The following XRCC4 variants were observed in gnomAD, a reference collection of about 807,000 sequenced individuals.
XRCC4 encodes the protein DNA repair protein XRCC4.
A neutral mutation model predicts 39.1 loss-of-function variants in XRCC4; 28 were observed. The observed-to-expected ratio is 0.72, with a 90% CI of 0.53 to 0.98. XRCC4 has a LOEUF of 0.98. Ranked by LOEUF, XRCC4 falls within the 50% of genes least tolerant of loss-of-function variation. The pLI is 0.00. For synonymous variants in XRCC4, 123 were observed against 126.4 expected (o/e 0.97, Z 0.18); for missense variants, 350 against 376.4 (o/e 0.93, Z 0.58).
chr5:83,365,580 C>G, the XRCC4 span, among the ~76,000 whole-genome samples: 2 of 152,114 alleles, frequency 1.3e-5, no homozygotes, highest in African/African-American at 4.8e-5. Context: ...AAGCTGAAAA[C>G]AATCCCCTTT....
intron 3 of XRCC4, among the ~76,000 whole-genome samples, chr5:83,135,339 G>T (rs2386239): frequency 1.3e-5 from 2 of 151,422 alleles, no homozygotes; most frequent in African/African-American, 2.4e-5. Flanking sequence ...GTTCCTATTC[G>T]GCCATCTTGG....
chr5:83,278,203 T>C (rs1754402716), intron 7 of XRCC4, among the ~76,000 whole-genome samples: 1 of 152,182 alleles, frequency 6.6e-6, no homozygotes, highest in Non-Finnish European at 1.5e-5. Context: ...TGTTAATTAT[T>C]GAACTAAAAA....
chr5:83,167,990 A>G (rs1358883274), intron 3 of XRCC4, among the ~76,000 whole-genome samples: 1 of 152,218 alleles, frequency 6.6e-6, no homozygotes, highest in Non-Finnish European at 1.5e-5. Flanking sequence ...TTTAGGGAAT[A>G]TTAAGCATAA....
intron 3 of XRCC4, among the ~76,000 whole-genome samples, chr5:83,161,476 TATCTTTTAATAG>T (rs1479538366): frequency 6.6e-6 from 1 of 152,198 alleles, no homozygotes; most frequent in Non-Finnish European, 1.5e-5. Context: ...AAGTCATCTT[TATCTTTTAATAG>T]AGACACTACC....
the XRCC4 span, among the ~76,000 whole-genome samples, chr5:83,358,926 G>T: frequency 6.6e-6 from 1 of 152,192 alleles, no homozygotes; most frequent in Non-Finnish European, 1.5e-5. Flanking sequence ...GCCTTATCAA[G>T]ATGGCCACCC....
At chr5:83,318,260 CA>C (rs1755946367) in intron 7 of XRCC4, among the ~76,000 whole-genome samples, 1 of 126,510 alleles carries the variant, frequency 7.9e-6, no homozygotes, top group Non-Finnish European at 1.5e-5. Context: ...ACTGGATGGG[CA>C]AAAACTGGAA....
In XRCC4 at chr5:83,313,558, A is replaced by G. The variant is rs145325197; in HGVS notation, c.894-39573A>G. Among the ~76,000 whole-genome samples the G allele has an allele frequency of 4.4e-3, 673 of 152,214 alleles. 3 individuals are homozygous for G. Among genetic ancestry groups the G allele is most frequent in the African/African-American group, 0.015 (639 of 41,536 alleles). On this transcript the variant is annotated intron_variant, in intron 7 of 7. Coordinates refer to ENST00000396027, the MANE Select transcript of XRCC4 (RefSeq NM_003401.5). The stretch of plus-strand genomic sequence containing the variant: ...ACTCAATATATTAGGCCTACTGTGG[A>G]GACATACTGCTCAGAAAAAAAAGAT...
chr5:83,096,971 A>G (rs1394232896), intron 1 of XRCC4, among the ~76,000 whole-genome samples: 1 of 152,162 alleles, frequency 6.6e-6, no homozygotes, highest in Non-Finnish European at 1.5e-5. Context: ...TAGAACTTGT[A>G]CCCTTACAAG....
At chr5:83,079,172 T>C (rs1014800489) in intron 1 of XRCC4, among the ~76,000 whole-genome samples, 1 of 152,240 alleles carries the variant, frequency 6.6e-6, no homozygotes, top group Non-Finnish European at 1.5e-5. Flanking sequence ...TTAATTAATT[T>C]TAGGCTATGA....
intron 7 of XRCC4, among the ~76,000 whole-genome samples, chr5:83,308,245 A>C (rs956566155): frequency 5.9e-5 from 9 of 152,202 alleles, no homozygotes; most frequent in Non-Finnish European, 1.3e-4. Flanking sequence ...ATTACTAAGA[A>C]AGTACTTAAT....
intron 3 of XRCC4, among the ~76,000 whole-genome samples, chr5:83,192,158 TTA>T (rs571672763): frequency 2.0e-5 from 3 of 149,832 alleles, no homozygotes; most frequent in Admixed American, 1.3e-4. Context: ...CTATGATTCT[TTA>T]TATATATATA....
intron 3 of XRCC4, among the ~76,000 whole-genome samples, chr5:83,157,006 C>T (rs1748996150): frequency 6.6e-6 from 1 of 151,572 alleles, no homozygotes; most frequent in African/African-American, 2.4e-5. Context: ...TCCCTCCTTT[C>T]ATTTTTAGAA....
intron 3 of XRCC4, among the ~76,000 whole-genome samples, chr5:83,149,649 G>C (rs372066457): frequency 5.3e-5 from 8 of 152,078 alleles, no homozygotes; most frequent in Admixed American, 1.3e-4. Flanking sequence ...AAATAAGATG[G>C]TGGTGTTAAC....
chr5:83,096,602 C>T (rs1165076796), intron 1 of XRCC4, among the ~76,000 whole-genome samples: 2 of 152,128 alleles, frequency 1.3e-5, no homozygotes, highest in Non-Finnish European at 2.9e-5. Context: ...TTTACAGCCT[C>T]CTACCTGAAT....
intron 7 of XRCC4, among the ~76,000 whole-genome samples, chr5:83,261,051 T>C (rs1042946124): frequency 1.3e-5 from 2 of 151,952 alleles, no homozygotes; most frequent in South Asian, 4.1e-4. Context: ...TTTTTTCTTA[T>C]TTTTTTATAC....
intron 3 of XRCC4, among the ~76,000 whole-genome samples, chr5:83,182,404 A>G (rs1271384196): frequency 1.3e-5 from 2 of 152,174 alleles, no homozygotes; most frequent in Non-Finnish European, 2.9e-5. Context: ...CACTCCCAAA[A>G]ACCAAACATC....
At chr5:83,181,255 AT>A (rs1383922221) in intron 3 of XRCC4, among the ~76,000 whole-genome samples, 1 of 151,724 alleles carries the variant, frequency 6.6e-6, no homozygotes, top group African/African-American at 2.4e-5. Flanking sequence ...AATTTTTTAT[AT>A]TTTAATTGTA....
At chr5:83,277,164 T>C (rs1267479206) in intron 7 of XRCC4, among the ~76,000 whole-genome samples, 1 of 152,214 alleles carries the variant, frequency 6.6e-6, no homozygotes, top group Non-Finnish European at 1.5e-5. Context: ...AACAAAGATA[T>C]ATGAAACCAT....
chr5:83,103,471 T>A (rs1746050888), intron 1 of XRCC4, among the ~76,000 whole-genome samples: 1 of 152,144 alleles, frequency 6.6e-6, no homozygotes, highest in Non-Finnish European at 1.5e-5. Context: ...ATACTATCAA[T>A]TGTAAACTGG....
Sources: allele counts gnomAD v4.1 joint callset (sites outside exome capture counted in the v4.1 genomes callset), GRCh38; gene constraint gnomAD v4.1.1; transcripts MANE v1.5; gene names NCBI Gene and HGNC (gene_info 2026-07-23, HGNC 2026-07-21).